Variants in LRMDA observed in about 807,000 individuals in gnomAD.
LRMDA encodes the protein leucine rich melanocyte differentiation associated.
In LRMDA, 18 loss-of-function variants were observed where a neutral mutation model predicts 29.8. The observed-to-expected ratio is 0.60, with a 90% CI of 0.42 to 0.90. The LOEUF (loss-of-function observed/expected upper bound fraction) is 0.90, where lower values mean the gene tolerates loss of function less well. Among genes scored for constraint, LRMDA ranks in the 40% least tolerant of loss-of-function variants. The pLI, the probability that LRMDA is intolerant of heterozygous loss-of-function variation, is 0.00. For missense variants in LRMDA, 273 were observed against 273.9 expected (o/e 1.00, Z 0.02); for synonymous variants, 125 against 109.4 (o/e 1.14, Z -0.89).
At chr10:75,738,682 C>T (rs189893345) in intron 2 of LRMDA, among the ~76,000 whole-genome samples, 16 of 152,210 alleles carry the variant, frequency 1.1e-4, no homozygotes, top group South Asian at 2.1e-4. Flanking sequence ...TTCCATGACT[C>T]GAGGCAAGTG....
At chr10:76,423,700 C>T (rs114320404) in intron 6 of LRMDA, among the ~76,000 whole-genome samples, 1 of 152,188 alleles carries the variant, frequency 6.6e-6, no homozygotes, top group African/African-American at 2.4e-5. Context: ...GTAATAAATT[C>T]TAGTCCCCTT....
At chr10:76,444,331 C>A in intron 6 of LRMDA, among the ~76,000 whole-genome samples, 1 of 152,078 alleles carries the variant, frequency 6.6e-6, no homozygotes, top group African/African-American at 2.4e-5. Context: ...CAGAACACAG[C>A]TGAAAGAGGA....
In LRMDA at chr10:76,047,166, C is replaced by T; in HGVS notation, c.261C>T (p.Ile87=). 6.2e-7 allele frequency: 1 copy of T among 1,614,008 alleles called. No homozygotes were observed. Among genetic ancestry groups the T allele is most frequent in the Non-Finnish European group, 8.5e-7 (1 of 1,179,948 alleles). The change falls in exon 4 of 7, where the codon ATC becomes ATT. Residue 87 remains isoleucine, a splice_region_variant and synonymous_variant. Transcript: ENST00000611255. ...CCAAGATTCTTAACCTTTGTCACAT[C>T]ACTGATTTGGAGAACCTGCTGGATC... ...LHTLTLNKNR[I]TDLENLLDHL...
intron 6 of LRMDA, among the ~76,000 whole-genome samples, chr10:76,495,581 T>G (rs1842873970): frequency 6.6e-6 from 1 of 151,900 alleles, no homozygotes; most frequent in Non-Finnish European, 1.5e-5. Flanking sequence ...AAAAATATTT[T>G]TATTCAACAA....
At chr10:76,489,828 T>TTATA (rs145825277) in intron 6 of LRMDA, among the ~76,000 whole-genome samples, 19 of 150,876 alleles carry the variant, frequency 1.3e-4, no homozygotes, top group East Asian at 7.9e-4. Flanking sequence ...TGTTCCCCAA[T>TTATA]TATATGTATA....
chr10:75,513,215 C>T (rs1443056345), intron 2 of LRMDA, among the ~76,000 whole-genome samples: 4 of 152,172 alleles, frequency 2.6e-5, no homozygotes, highest in Non-Finnish European at 4.4e-5. Context: ...TCCGGTGTAA[C>T]AAACTTCAGG....
intron 3 of LRMDA, among the ~76,000 whole-genome samples, chr10:76,040,764 C>G (rs973927793): frequency 2.6e-5 from 4 of 152,256 alleles, no homozygotes; most frequent in African/African-American, 7.2e-5. Context: ...TTCTCCCCCA[C>G]TTTCCTTTTG....
At chr10:76,276,332 T>G (rs1242810993) in intron 5 of LRMDA, among the ~76,000 whole-genome samples, 1 of 151,876 alleles carries the variant, frequency 6.6e-6, no homozygotes, top group African/African-American at 2.4e-5. Flanking sequence ...TTTGCAGTGA[T>G]GGGGTCTTGC....
chr10:76,536,204 A>C (rs1843289355), intron 6 of LRMDA, among the ~76,000 whole-genome samples: 1 of 152,212 alleles, frequency 6.6e-6, no homozygotes, highest in East Asian at 1.9e-4. Flanking sequence ...TACCATTATC[A>C]TACCTAAGAA....
At position 76,005,712 on chromosome 10, in the gene LRMDA, C is replaced by T. The variant is rs180915363; in HGVS notation, c.132-30296C>T. 2.1e-4 allele frequency among the ~76,000 whole-genome samples: 32 copies of T among 152,210 alleles called. 1 individual carries two copies. The East Asian group carries it at 4.1e-3, about 19-fold the overall frequency. On this transcript the variant is annotated intron_variant, in intron 2 of 6. Coordinates refer to ENST00000611255, the MANE Select transcript of LRMDA (RefSeq NM_001305581.2). ...TTGGGAGGCCAAGGCAGGCAGATTA[C>T]GAGGTCAGGAGATCGAGATCAACTT... is the stretch of plus-strand genomic sequence containing the variant.
chr10:76,557,243 G>GA lies in LRMDA; in HGVS notation c.641dup (p.Asn214LysfsTer11). 6.2e-7 allele frequency: 1 copy of GA among 1,614,082 alleles called. No homozygotes were observed. The highest frequency in any genetic ancestry group is 8.5e-7 in the Non-Finnish European group (1 of 1,180,008). On this transcript the variant is annotated frameshift_variant, in exon 7 of 7. Coordinates refer to ENST00000611255, the MANE Select transcript of LRMDA (RefSeq NM_001305581.2). LOFTEE classifies it high-confidence loss of function. ...GGAAGTGTCGCTACGTTTACTATGG[G>GA]AAAAACTCAGAGGGCAACAGGTTTA...
intron 2 of LRMDA, among the ~76,000 whole-genome samples, chr10:75,686,322 G>A (rs1241805018): frequency 1.3e-5 from 2 of 152,144 alleles, no homozygotes; most frequent in Admixed American, 1.3e-4. Context: ...TCTTTGCCTG[G>A]CCTTCTCCTG....
chr10:75,761,847 A>G (rs1589191440), intron 2 of LRMDA, among the ~76,000 whole-genome samples: 2 of 138,336 alleles, frequency 1.4e-5, no homozygotes, highest in Non-Finnish European at 3.0e-5. Flanking sequence ...TCTGTCACCC[A>G]GGCTGGAATG....
intron 2 of LRMDA, among the ~76,000 whole-genome samples, chr10:75,745,793 G>T (rs1459938474): frequency 6.6e-6 from 1 of 152,080 alleles, no homozygotes; most frequent in Non-Finnish European, 1.5e-5. Context: ...CGTTTCTGCC[G>T]GTCTGTGACA....
chr10:76,388,992 G>T (rs1211032075), intron 6 of LRMDA, among the ~76,000 whole-genome samples: 1 of 152,162 alleles, frequency 6.6e-6, no homozygotes, highest in East Asian at 1.9e-4. Flanking sequence ...AGGGACATAT[G>T]CAGAAGACCT....
At chr10:76,127,776 A>G (rs1849911752) in intron 5 of LRMDA, among the ~76,000 whole-genome samples, 1 of 152,214 alleles carries the variant, frequency 6.6e-6, no homozygotes, top group South Asian at 2.1e-4. Context: ...AGAAAACAAA[A>G]CAGGAAATTT....
chr10:75,543,052 C>A (rs1460430892), intron 2 of LRMDA, among the ~76,000 whole-genome samples: 1 of 152,156 alleles, frequency 6.6e-6, no homozygotes, highest in Non-Finnish European at 1.5e-5. Context: ...CAAGTCCAAG[C>A]GCGAGGCCAG....
intron 6 of LRMDA, among the ~76,000 whole-genome samples, chr10:76,552,097 C>T (rs574669363): frequency 6.6e-6 from 1 of 152,312 alleles, no homozygotes; most frequent in South Asian, 2.1e-4. Flanking sequence ...ACTACCAAAA[C>T]TAACAATAGT....
intron 6 of LRMDA, among the ~76,000 whole-genome samples, chr10:76,383,739 C>G (rs1427219351): frequency 2.0e-5 from 3 of 152,006 alleles, no homozygotes; most frequent in Admixed American, 1.3e-4. Flanking sequence ...CCACCAATGT[C>G]TTTTCTACAT....
Sources: allele counts gnomAD v4.1 joint callset (sites outside exome capture counted in the v4.1 genomes callset), GRCh38; gene constraint gnomAD v4.1.1; transcripts MANE v1.5; gene names NCBI Gene and HGNC (gene_info 2026-07-23, HGNC 2026-07-21).